The following SATB2 variants were observed in gnomAD, a reference collection of about 807,000 sequenced individuals.
The protein encoded by SATB2 is DNA-binding protein SATB2.
A neutral mutation model predicts 73.4 loss-of-function variants in SATB2; 1 was observed. The observed-to-expected ratio is 0.01, with a 90% CI of 0.00 to 0.06. SATB2 has a LOEUF of 0.06. Among genes scored for constraint, SATB2 ranks in the 10% least tolerant of loss-of-function variants. The pLI, the probability that SATB2 is intolerant of heterozygous loss-of-function variation, is 1.00. For missense variants in SATB2, 459 were observed against 945.8 expected, an observed-to-expected ratio of 0.49 and a Z score of 6.75; for synonymous variants, 397 against 367.0, an observed-to-expected ratio of 1.08 and a Z score of -0.93.
At position 199,463,485 on chromosome 2, in the gene SATB2, C is replaced by T. The variant is rs2105967797; in HGVS notation, c.-141+1351G>A. On this transcript the variant is annotated intron_variant, in intron 1 of 11. Transcript: ENST00000260926. The surrounding 1 kb of genome is among the most constrained non-coding windows in gnomAD (Gnocchi z 6.4). The stretch of plus-strand genomic sequence containing the variant: ...GCTGCGAAGAGCCCCGAGGCCTCGG[C>T]TTGGCGTCAATGTCCCGCCACCCTC... Among the ~76,000 whole-genome samples, 1 of 152,294 alleles carries T rather than the reference C, an allele frequency of 6.6e-6. No individual in the cohort carries two copies. Among genetic ancestry groups the T allele is most frequent in the Non-Finnish European group, 1.5e-5 (1 of 68,030 alleles).
intron 9 of SATB2, among the ~76,000 whole-genome samples, chr2:199,322,440 T>G (rs1333983155): frequency 6.6e-6 from 1 of 152,204 alleles, no homozygotes; most frequent in Non-Finnish European, 1.5e-5. Flanking sequence ...ATTTTATGCA[T>G]TTAACAGTTT....
At chr2:199,440,249 T>C (rs1691776026) in intron 2 of SATB2, among the ~76,000 whole-genome samples, 1 of 152,276 alleles carries the variant, frequency 6.6e-6, no homozygotes, top group Non-Finnish European at 1.5e-5. Flanking sequence ...CTTCCTAATC[T>C]CCTCTTTGTG....
chr2:199,441,627 G>A (rs2105938626), intron 2 of SATB2, among the ~76,000 whole-genome samples: 1 of 152,210 alleles, frequency 6.6e-6, no homozygotes, highest in Non-Finnish European at 1.5e-5. Flanking sequence ...GATGAGGATG[G>A]GAGAGTGGAC....
intron 7 of SATB2, chr2:199,347,636 T>C (rs1174872424): frequency 2.0e-5 from 3 of 152,194 alleles, no homozygotes; most frequent in Non-Finnish European, 4.4e-5. Flanking sequence ...ATCTACTGTT[T>C]TCTTGAAGGC....
chr2:199,443,660 A>G lies in SATB2; in HGVS notation c.170-10146T>C, dbSNP rs1302047258. On this transcript the variant is annotated intron_variant, in intron 2 of 10. Coordinates refer to ENST00000417098, the MANE Select transcript of SATB2 (RefSeq NM_001172509.2). Reference sequence around the variant, plus strand: ...AGATGTGTAGAAAGCAACACTGTGCAATGAATGCAGATTTCACAAAGCCGA... The same window carrying G: ...AGATGTGTAGAAAGCAACACTGTGCGATGAATGCAGATTTCACAAAGCCGA... 7.9e-5 allele frequency among the ~76,000 whole-genome samples: 12 copies of G among 152,298 alleles called. No homozygotes were observed. The East Asian group carries it at 2.1e-3, about 27-fold the overall frequency.
chr2:199,356,225 C>CAAAAAAAAAAAAAAAA (rs200509001), intron 6 of SATB2, among the ~76,000 whole-genome samples: 50 of 100,932 alleles, frequency 5.0e-4, no homozygotes, highest in African/African-American at 1.2e-3. Flanking sequence ...GAACATAAGC[C>CAAAAAAAAAAAAAAAA]AAAAAAAAAA....
intron 3 of SATB2, among the ~76,000 whole-genome samples, chr2:199,431,676 G>T (rs1042734382): frequency 1.3e-5 from 2 of 152,124 alleles, no homozygotes; most frequent in Non-Finnish European, 2.9e-5. Flanking sequence ...TCCCTGAAAG[G>T]AATAGTGTGG....
At chr2:199,416,813 G>C (rs1285458341) in intron 3 of SATB2, among the ~76,000 whole-genome samples, 2 of 152,112 alleles carry the variant, frequency 1.3e-5, no homozygotes, top group Non-Finnish European at 2.9e-5. Flanking sequence ...GAAGCAGGCG[G>C]ATCATGAGGT....
At chr2:199,406,992 G>A (rs894055186) in intron 3 of SATB2, among the ~76,000 whole-genome samples, 3 of 152,236 alleles carry the variant, frequency 2.0e-5, no homozygotes, top group East Asian at 3.9e-4. Flanking sequence ...CTGCCTTAAA[G>A]TAAGGAGGGT....
intron 10 of SATB2, among the ~76,000 whole-genome samples, chr2:199,294,895 TA>T (rs1286697074): frequency 1.3e-5 from 2 of 152,156 alleles, no homozygotes; most frequent in Middle Eastern, 3.2e-3. Context: ...TTACTTTTTT[TA>T]AAAAAATTGA....
At chr2:199,290,282 T>G (rs761645953) in intron 10 of SATB2, among the ~76,000 whole-genome samples, 3 of 152,266 alleles carry the variant, frequency 2.0e-5, no homozygotes, top group Admixed American at 2.0e-4. Context: ...CTCTTACTTA[T>G]ACGCTGTATT....
At chr2:199,357,233 C>T (rs951759922) in intron 6 of SATB2, among the ~76,000 whole-genome samples, 6 of 152,160 alleles carry the variant, frequency 3.9e-5, no homozygotes, top group African/African-American at 1.4e-4. Flanking sequence ...ACGTGGCACA[C>T]GTATGTGACA....
chr2:199,272,668 A>T lies in SATB2; in HGVS notation c.1745T>A (p.Leu582His). Residue 582 changes from leucine (L) to histidine (H), a missense_variant, in exon 11 of 11, where the codon CTT (leucine) becomes CAT (histidine). Transcript: ENST00000417098. The surrounding 1 kb of genome is among the most constrained non-coding windows in gnomAD (Gnocchi z 6.7). The stretch of plus-strand genomic sequence containing the variant: ...GGCTGGCTGAGACTGCTGTCTATGA[A>T]GTACCTGATAATTAAGAGAGAAAAA... ...VQLPPEPVQV[L>H]HRQQSQPAKE... The T allele has an allele frequency of 6.2e-7, 1 of 1,613,826 alleles. No homozygotes were observed. Among genetic ancestry groups the T allele is most frequent in the Admixed American group, 1.7e-5 (1 of 60,024 alleles).
chr2:199,283,996 G>A (rs546667521), intron 10 of SATB2, among the ~76,000 whole-genome samples: 1 of 152,264 alleles, frequency 6.6e-6, no homozygotes, highest in African/African-American at 2.4e-5. Flanking sequence ...GACAAACTAT[G>A]GTTATTCGGA....
In SATB2 at chr2:199,339,024, G is replaced by A. The variant is rs1206114631; in HGVS notation, c.1173+9677C>T. ...AGTTTTGTGAAAGGAGAAAAGAAAGGTCTTCTTTTACATACAAGTCTCTAC... is the reference window on the plus strand; with the variant it reads ...AGTTTTGTGAAAGGAGAAAAGAAAGATCTTCTTTTACATACAAGTCTCTAC... On this transcript the variant is annotated intron_variant, in intron 7 of 10. Transcript: ENST00000417098. Among the ~76,000 whole-genome samples the A allele has an allele frequency of 4.6e-5, 7 of 152,188 alleles. No individual in the cohort carries two copies. In the East Asian group the frequency reaches 1.4e-3, roughly 29 times the overall value.
intron 5 of SATB2, among the ~76,000 whole-genome samples, chr2:199,371,412 A>T (rs901066358): frequency 6.6e-6 from 1 of 152,138 alleles, no homozygotes; most frequent in African/African-American, 2.4e-5. Context: ...CTATTACTCT[A>T]CAGAAAACAA....
chr2:199,299,124 T>C (rs1687206956), intron 10 of SATB2, among the ~76,000 whole-genome samples: 1 of 152,218 alleles, frequency 6.6e-6, no homozygotes, highest in South Asian at 2.1e-4. Context: ...GAAGTCATTC[T>C]GGCTGGAGAG....
At chr2:199,356,293 A>G (rs2105834364) in intron 6 of SATB2, among the ~76,000 whole-genome samples, 1 of 150,916 alleles carries the variant, frequency 6.6e-6, no homozygotes, top group Non-Finnish European at 1.5e-5. Flanking sequence ...GATTCTTTCA[A>G]CCTTAGAAAG....
At chr2:199,413,918 G>A (rs974410012) in intron 3 of SATB2, among the ~76,000 whole-genome samples, 2 of 152,164 alleles carry the variant, frequency 1.3e-5, no homozygotes, top group African/African-American at 4.8e-5. Context: ...TTAAGCCGCT[G>A]TTGAAGAGTT....
Sources: gnomAD v4.1 joint callset for allele counts (sites outside exome capture counted in the v4.1 genomes callset) on GRCh38, gnomAD v4.1.1 for gene constraint, Gnocchi (gnomAD v3.1) non-coding constraint, MANE v1.5 for transcripts, NCBI Gene and HGNC (gene_info 2026-07-23, HGNC 2026-07-21) for gene names.